ATP13A5: variants seen among roughly 807,000 people sequenced by gnomAD.
ATP13A5 encodes probable cation-transporting ATPase 13A5.
A neutral mutation model predicts 150.2 loss-of-function variants in ATP13A5; 149 were observed. That is an observed-to-expected ratio of 0.99 (90% CI 0.87 to 1.14). The LOEUF (loss-of-function observed/expected upper bound fraction) is 1.14. Ranked by LOEUF, ATP13A5 falls within the 50% of genes most tolerant of loss-of-function variation. ATP13A5 has a pLI of 0.00. For missense variants in ATP13A5, 1,383 were observed against 1,449.3 expected, an observed-to-expected ratio of 0.95 and a Z score of 0.74; for synonymous variants, 497 against 522.2, an observed-to-expected ratio of 0.95 and a Z score of 0.66.
chr3:193,364,418 G>A (rs1315901121), intron 1 of ATP13A5, 138 bp from the exon 2 acceptor site: 3 of 1,017,228 alleles, frequency 2.9e-6, no homozygotes, highest in East Asian at 2.6e-5. Flanking sequence ...AAATCAAGTT[G>A]ACTGCTTGCA....
Position 193,371,595 on chromosome 3 carries a change from G to A in ATP13A5, c.63+7068C>T, listed in dbSNP as rs538969293. On this transcript the variant is annotated intron_variant, in intron 1 of 29. Coordinates refer to ENST00000342358, the MANE Select transcript of ATP13A5 (RefSeq NM_198505.4). ...TTGTTGGCAGAATTCGGTTCCTTGC[G>A]GCCTTAAGATGGGGGGCCCCCATTC... 2.0e-4 allele frequency among the ~76,000 whole-genome samples: 30 copies of A among 152,258 alleles called. No homozygotes were observed. In the East Asian group the frequency reaches 4.3e-3, roughly 22 times the overall value.
chr3:193,330,532 G>T (rs1711590378), intron 12 of ATP13A5, among the ~76,000 whole-genome samples: 3 of 152,256 alleles, frequency 2.0e-5, no homozygotes. Flanking sequence ...AGTCCTCCAG[G>T]TTCCCCATAG....
At position 193,378,701 on chromosome 3, in the gene ATP13A5, G is replaced by A. The variant is rs1713732571; in HGVS notation, c.25C>T (p.His9Tyr). MEENSKKD[H>Y]RALLNQGEED... ...TCTCCCTGGTTGAGCAAAGCCCGATGGTCCTTCTTACTGTTCTCTTCCATC... is the reference window on the plus strand; with the variant it reads ...TCTCCCTGGTTGAGCAAAGCCCGATAGTCCTTCTTACTGTTCTCTTCCATC... The change falls in exon 1 of 30, where the codon CAT (histidine) becomes TAT (tyrosine). Residue 9 changes from histidine to tyrosine, a missense_variant. His to Tyr is a moderately conservative substitution (Grantham distance 83, BLOSUM62 2). This residue lies in a region of ATP13A5 where 787 missense variants were observed against 771.9 expected (regional missense o/e 1.02). Coordinates refer to ENST00000342358, the MANE Select transcript of ATP13A5 (RefSeq NM_198505.4). 2 of 1,613,912 alleles carry A rather than the reference G, an allele frequency of 1.2e-6. No homozygotes were observed. The highest frequency in any genetic ancestry group is 2.7e-5 in the African/African-American group (2 of 75,030).
chr3:193,310,561 T>C (rs1343327287), intron 21 of ATP13A5, 77 bp downstream of exon 21: 17 of 1,186,428 alleles, frequency 1.4e-5, no homozygotes, highest in Non-Finnish European at 1.9e-5. Flanking sequence ...ATAGCCATTC[T>C]GACTCACACC....
At chr3:193,344,469 C>T (rs1712249205) in intron 8 of ATP13A5, among the ~76,000 whole-genome samples, 1 of 152,144 alleles carries the variant, frequency 6.6e-6, no homozygotes, top group Non-Finnish European at 1.5e-5. Context: ...CAGCTCCTCG[C>T]TCCTTGCAAA....
intron 9 of ATP13A5, among the ~76,000 whole-genome samples, chr3:193,343,459 C>T (rs1327521849): frequency 1.3e-5 from 2 of 152,168 alleles, no homozygotes; most frequent in Admixed American, 1.3e-4. Context: ...AACTCAAACT[C>T]CTTTCCTGTG....
rs565731748 is a variant in ATP13A5 at position 193,358,292 on chromosome 3, T to A, written c.536+4089A>T. Among the ~76,000 whole-genome samples the A allele has an allele frequency of 2.0e-5, 3 of 152,288 alleles. No individual in the cohort carries two copies. The South Asian group carries it at 6.2e-4, about 32-fold the overall frequency. ...CATGTAGAGGTTGAGAAAGTTCCCA[T>A]GTGATTCTGTTAGCAAGTTCCTGAC... On this transcript the variant is annotated intron_variant, in intron 5 of 29. Coordinates refer to ENST00000342358, the MANE Select transcript of ATP13A5 (RefSeq NM_198505.4).
chr3:193,323,662 C>A (rs2108864867), intron 14 of ATP13A5: 1 of 152,330 alleles, frequency 6.6e-6, no homozygotes, highest in Admixed American at 6.5e-5. Flanking sequence ...TACACCGATT[C>A]CTCTCCATTG....
At chr3:193,314,304 TTTC>T in intron 18 of ATP13A5, 111 bp from the exon 19 acceptor site, 5 of 1,214,158 alleles carry the variant, frequency 4.1e-6, no homozygotes, top group Non-Finnish European at 5.8e-6. Context: ...CATTTACCGC[TTTC>T]TGCCTTATTT....
At position 193,363,219 on chromosome 3, in the gene ATP13A5, C is replaced by A. The variant is rs1457489675; in HGVS notation, c.384+17G>T. ...CTCTGTAAACATGCATAACACCATA[C>A]CCTTCAAGTAACTTACTTTTAATTC... On this transcript the variant is annotated intron_variant, in intron 3 of 29. Coordinates refer to ENST00000342358, the MANE Select transcript of ATP13A5 (RefSeq NM_198505.4). The A allele has an allele frequency of 6.2e-7, 1 of 1,610,284 alleles. No homozygotes were observed. The highest frequency in any genetic ancestry group is 1.1e-5 in the South Asian group (1 of 90,216).
intron 28 of ATP13A5, chr3:193,277,771 A>G (rs1389382065): frequency 1.3e-5 from 2 of 152,166 alleles, no homozygotes; most frequent in African/African-American, 4.8e-5. Context: ...CACCACTCCA[A>G]TCCAGAACTA....
rs905121443 is a variant in ATP13A5 at position 193,357,788 on chromosome 3, C to A, written c.537-3592G>T. On this transcript the variant is annotated intron_variant, in intron 5 of 29. Coordinates refer to ENST00000342358, the MANE Select transcript of ATP13A5 (RefSeq NM_198505.4). ...AGTTGAACAATTTCTCAGCAGGAAA[C>A]CTGTGGAGGGGATTTCTGCAGGGAC... 3.3e-5 allele frequency among the ~76,000 whole-genome samples: 5 copies of A among 152,138 alleles called. No homozygotes were observed. The South Asian group carries it at 1.0e-3, about 32-fold the overall frequency.
At chr3:193,333,164 CACACACAA>C (rs1256701951) in intron 11 of ATP13A5, among the ~76,000 whole-genome samples, 1 of 149,884 alleles carries the variant, frequency 6.7e-6, no homozygotes, top group African/African-American at 2.5e-5. Context: ...CACAAACACA[CACACACAA>C]ACACACACAC....
intron 12 of ATP13A5, among the ~76,000 whole-genome samples, chr3:193,329,057 T>C (rs9867396): frequency 0.85 from 129,415 of 151,962 alleles, 55,299 homozygotes; most frequent in East Asian, 0.96. Flanking sequence ...CCATCCTGGC[T>C]AACATGTTGA....
At chr3:193,318,598 G>C (rs1034912569) in intron 17 of ATP13A5, among the ~76,000 whole-genome samples, 1 of 152,130 alleles carries the variant, frequency 6.6e-6, no homozygotes, top group African/African-American at 2.4e-5. Flanking sequence ...AGTGCCAACT[G>C]TCTCCCTCTC....
chr3:193,329,523 C>G (rs2108870695), intron 12 of ATP13A5, among the ~76,000 whole-genome samples: 1 of 152,248 alleles, frequency 6.6e-6, no homozygotes, highest in East Asian at 1.9e-4. Context: ...ATAAGTCTCC[C>G]TCTTATATTC....
At chr3:193,330,480 C>G (rs1711589342) in intron 12 of ATP13A5, among the ~76,000 whole-genome samples, 2 of 152,250 alleles carry the variant, frequency 1.3e-5, no homozygotes, top group Admixed American at 1.3e-4. Flanking sequence ...CTGGCCTGTC[C>G]AAGCTGAGGG....
chr3:193,375,440 G>C (rs1052346495), intron 1 of ATP13A5, among the ~76,000 whole-genome samples: 1 of 152,136 alleles, frequency 6.6e-6, no homozygotes, highest in African/African-American at 2.4e-5. Flanking sequence ...GAAGCTATGG[G>C]TCCTGAGACC....
rs778497655 is a variant in ATP13A5 at position 193,321,777 on chromosome 3, T to A, written c.1819A>T (p.Met607Leu). The change falls in exon 16 of 30, where the codon ATG (methionine) becomes TTG (leucine). Residue 607 changes from methionine (M) to leucine (L), a missense_variant. By Grantham distance (15) the Met-to-Leu change is conservative. Around this residue, in one of 3 missense-constraint regions of ATP13A5, gnomAD observed 787 missense variants for 771.9 expected, o/e 1.02. Coordinates refer to ENST00000342358, the MANE Select transcript of ATP13A5 (RefSeq NM_198505.4). ...QFPFSSSLQRMSVIAQLAGEN... is the reference protein window; with the variant it reads ...QFPFSSSLQRLSVIAQLAGEN... ...CCAGCTAGCTGAGCGATCACGGACATCCTCTGCAGGCTCGAGGAAAATGGA... is the reference window on the plus strand; with the variant it reads ...CCAGCTAGCTGAGCGATCACGGACAACCTCTGCAGGCTCGAGGAAAATGGA... 6.2e-7 allele frequency: 1 copy of A among 1,614,148 alleles called. No homozygotes were observed. The highest frequency in any genetic ancestry group is 1.7e-5 in the Admixed American group (1 of 60,012).
Sources: gnomAD v4.1 joint callset for allele counts (sites outside exome capture counted in the v4.1 genomes callset) on GRCh38, gnomAD v4.1.1 for gene constraint, gnomAD v4.1.1 regional missense constraint, MANE v1.5 for transcripts, NCBI Gene and HGNC (gene_info 2026-07-23, HGNC 2026-07-21) for gene names.